XKR9: variants seen among roughly 807,000 people sequenced by gnomAD.
XKR9 encodes XK-related protein 9.
A neutral mutation model predicts 32.0 loss-of-function variants in XKR9; 32 were observed. The observed-to-expected ratio is 1.00, with a 90% confidence interval of 0.76 to 1.34. The LOEUF is 1.34. Ranked by LOEUF, XKR9 falls within the 40% of genes most tolerant of loss-of-function variation. The probability of loss-of-function intolerance (pLI) is 0.00; values close to 1 mark genes in which losing one functional copy is unlikely to be tolerated. For synonymous variants in XKR9, 168 were observed against 143.4 expected, an observed-to-expected ratio of 1.17 and a Z score of -1.22; for missense variants, 546 against 429.7, an observed-to-expected ratio of 1.27 and a Z score of -2.39.
chr8:70,815,509 T>TTTTA, the XKR9 span, among the ~76,000 whole-genome samples: 6,884 of 141,754 alleles, frequency 0.049, 350 homozygotes, highest in African/African-American at 0.13. Context: ...CATTCCTTTA[T>TTTTA]TTTATTTATT....
At chr8:70,973,328 G>C in the XKR9 span, among the ~76,000 whole-genome samples, 477 of 152,012 alleles carry the variant, frequency 3.1e-3, 1 homozygote, top group Middle Eastern at 0.027. Context: ...GTTTTTATTT[G>C]AGCTTATTTG....
intron 2 of XKR9, among the ~76,000 whole-genome samples, chr8:70,752,262 A>C (rs958593666): frequency 6.6e-6 from 1 of 152,178 alleles, no homozygotes. Flanking sequence ...ATTTCGATGA[A>C]GTCTGTTTTA....
chr8:70,987,259 A>G, the XKR9 span, among the ~76,000 whole-genome samples: 1 of 152,230 alleles, frequency 6.6e-6, no homozygotes, highest in South Asian at 2.1e-4. Flanking sequence ...AACTCATTTC[A>G]GTGTTAACTC....
chr8:70,709,238 A>G (rs561231293), intron 4 of XKR9, among the ~76,000 whole-genome samples: 4 of 152,210 alleles, frequency 2.6e-5, no homozygotes, highest in Non-Finnish European at 5.9e-5. Flanking sequence ...GATAAAATTC[A>G]ACATCCCTTT....
the XKR9 span, among the ~76,000 whole-genome samples, chr8:71,054,839 T>C: frequency 9.9e-5 from 15 of 152,228 alleles, no homozygotes; most frequent in Admixed American, 5.9e-4. Context: ...CAGGTGTTGC[T>C]AAAGTTGAAA....
At chr8:70,855,691 T>G in the XKR9 span, among the ~76,000 whole-genome samples, 2 of 152,186 alleles carry the variant, frequency 1.3e-5, no homozygotes, top group Admixed American at 6.5e-5. Flanking sequence ...TCACCAAAGT[T>G]GAAATGAAGG....
At chr8:70,776,947 CTATATA>C (rs1554556847) in intron 2 of XKR9, among the ~76,000 whole-genome samples, 1 of 54,212 alleles carries the variant, frequency 1.8e-5, no homozygotes. Context: ...CTCTCTCTCT[CTATATA>C]TATATATATA....
chr8:70,733,514 T>C (rs1806741322), intron 4 of XKR9, among the ~76,000 whole-genome samples: 1 of 152,100 alleles, frequency 6.6e-6, no homozygotes, highest in Non-Finnish European at 1.5e-5. Context: ...AAAATCATAA[T>C]AAAACAGTCT....
the XKR9 span, among the ~76,000 whole-genome samples, chr8:70,845,447 G>T: frequency 6.6e-6 from 1 of 152,022 alleles, no homozygotes; most frequent in Non-Finnish European, 1.5e-5. Flanking sequence ...CAACAAAAAA[G>T]AAATTTATAA....
the XKR9 span, among the ~76,000 whole-genome samples, chr8:70,840,004 A>G: frequency 1.3e-5 from 2 of 151,988 alleles, no homozygotes; most frequent in Non-Finnish European, 2.9e-5. Flanking sequence ...CAATTCTCCA[A>G]CTCAGCGTGT....
the XKR9 span, among the ~76,000 whole-genome samples, chr8:70,821,386 T>G: frequency 1.3e-5 from 2 of 152,194 alleles, no homozygotes; most frequent in Non-Finnish European, 2.9e-5. Context: ...CTTTTGTAGG[T>G]GCACAGTGCA....
At chr8:70,874,827 G>C in the XKR9 span, among the ~76,000 whole-genome samples, 13 of 152,140 alleles carry the variant, frequency 8.5e-5, no homozygotes, top group African/African-American at 3.1e-4. Flanking sequence ...AATAAAGTGG[G>C]TATTAGTAGT....
the XKR9 span, among the ~76,000 whole-genome samples, chr8:70,915,231 G>A: frequency 6.6e-6 from 1 of 151,986 alleles, no homozygotes; most frequent in Non-Finnish European, 1.5e-5. Context: ...CTATACATAG[G>A]GGCAACTGGG....
At chr8:70,858,616 A>G in the XKR9 span, among the ~76,000 whole-genome samples, 1 of 152,166 alleles carries the variant, frequency 6.6e-6, no homozygotes, top group Non-Finnish European at 1.5e-5. Context: ...ATTTACTACA[A>G]AGCTATAGTA....
chr8:70,839,379 A>G, the XKR9 span, among the ~76,000 whole-genome samples: 6 of 152,132 alleles, frequency 3.9e-5, no homozygotes, highest in Non-Finnish European at 8.8e-5. Flanking sequence ...ATACCATGTG[A>G]AAAATACATT....
intron 2 of XKR9, among the ~76,000 whole-genome samples, chr8:70,764,715 A>T (rs534137254): frequency 6.6e-6 from 1 of 151,946 alleles, no homozygotes. Context: ...TACATTACAT[A>T]TTTCTCCTAA....
the XKR9 span, among the ~76,000 whole-genome samples, chr8:70,970,482 C>A: frequency 6.6e-6 from 1 of 152,076 alleles, no homozygotes; most frequent in Non-Finnish European, 1.5e-5. Context: ...GCCCACCCCC[C>A]AACAGGCCCC....
chr8:70,682,210 C>A (rs1167637396), intron 3 of XKR9, among the ~76,000 whole-genome samples: 1 of 151,800 alleles, frequency 6.6e-6, no homozygotes, highest in Non-Finnish European at 1.5e-5. Flanking sequence ...CTCAATAAGA[C>A]AAAAATGTTT....
chr8:70,937,134 G>A, the XKR9 span, among the ~76,000 whole-genome samples: 16 of 151,800 alleles, frequency 1.1e-4, no homozygotes, highest in Non-Finnish European at 2.1e-4. Flanking sequence ...CTGCATATGC[G>A]TATGTATGTG....
Sources: gnomAD v4.1 joint callset for allele counts (sites outside exome capture counted in the v4.1 genomes callset) on GRCh38, gnomAD v4.1.1 for gene constraint, MANE v1.5 for transcripts, NCBI Gene and HGNC (gene_info 2026-07-23, HGNC 2026-07-21) for gene names.